The following MGAT2 variants were observed in gnomAD, a reference collection of about 807,000 sequenced individuals.
MGAT2 encodes alpha-1,6-mannosyl-glycoprotein 2-beta-N-acetylglucosaminyltransferase, also known as Beta-1,2-N-acetylglucosaminyltransferase II.
In MGAT2, 17 loss-of-function variants were observed where a neutral mutation model predicts 33.8. The ratio of observed to expected loss-of-function variants is 0.50; its 90% CI spans 0.34 to 0.76. The LOEUF is 0.76. Among genes scored for constraint, MGAT2 ranks in the 30% least tolerant of loss-of-function variants. MGAT2 has a pLI of 0.01. For missense variants in MGAT2, 529 were observed against 553.9 expected (o/e 0.96, Z 0.45); for synonymous variants, 248 against 226.7 (o/e 1.09, Z -0.84).
Position 49,621,322 on chromosome 14 carries a change from C to G in MGAT2, c.54C>G (p.Ala18=), listed in dbSNP as rs755067869. 1.2e-6 allele frequency: 2 copies of G among 1,612,546 alleles called. No homozygotes were observed. Among genetic ancestry groups the G allele is most frequent in the Non-Finnish European group, 1.7e-6 (2 of 1,179,784 alleles). ...RKVLILTLVV[A]ACGFVLWSSN... ...TGCTAATCCTGACGCTCGTGGTGGC[C>G]GCCTGCGGCTTCGTCCTCTGGAGCA... The change falls in exon 1 of 1, where the codon GCC becomes GCG. Residue 18 remains alanine, a synonymous_variant. Coordinates refer to ENST00000305386, the MANE Select transcript of MGAT2 (RefSeq NM_002408.4). This position sits in a 1 kb window ranked among gnomAD's most constrained non-coding sequence, Gnocchi z 4.6.
chr14:49,621,533 C>G lies in MGAT2; in HGVS notation c.265C>G (p.Leu89Val). ...CCAGCCCGAGGCGGACAACCTGACG[C>G]TGCGGTACCGGTCCCTGGTGTACCA... ...VPQPEADNLT[L>V]RYRSLVYQLN... Residue 89 changes from leucine (L) to valine (V), a missense_variant, in exon 1 of 1, where the codon CTG becomes GTG. Coordinates refer to ENST00000305386, the MANE Select transcript of MGAT2 (RefSeq NM_002408.4). The surrounding 1 kb of genome is among the most constrained non-coding windows in gnomAD (Gnocchi z 4.6). 1 of 1,613,352 alleles carries G rather than the reference C, an allele frequency of 6.2e-7. No individual in the cohort carries two copies. Among genetic ancestry groups the G allele is most frequent in the African/African-American group, 1.3e-5 (1 of 75,052 alleles).
In MGAT2 at chr14:49,621,613, C is replaced by G; in HGVS notation, c.345C>G (p.Pro115=). ...RNVDKAGTWA[P]RELVLVVQVH... Reference sequence around the variant, plus strand: ...TAGATAAGGCTGGCACCTGGGCCCCCCGGGAGCTGGTGCTGGTGGTCCAGG... The same window carrying G: ...TAGATAAGGCTGGCACCTGGGCCCCGCGGGAGCTGGTGCTGGTGGTCCAGG... Residue 115 remains proline, a synonymous_variant, in exon 1 of 1, where the codon CCC becomes CCG. Coordinates refer to ENST00000305386, the MANE Select transcript of MGAT2 (RefSeq NM_002408.4). This position sits in a 1 kb window ranked among gnomAD's most constrained non-coding sequence, Gnocchi z 4.6. 1.2e-6 allele frequency: 2 copies of G among 1,614,112 alleles called. No individual in the cohort carries two copies. The highest frequency in any genetic ancestry group is 1.7e-6 in the Non-Finnish European group (2 of 1,180,016).
In MGAT2 at chr14:49,621,222, C is replaced by T. The variant is rs1374033060; in HGVS notation, c.-47C>T. ...GCCCGCCCCTTCCGTGCAGAAGCAG[C>T]TGCTCCTTTCCGCGCCCGCCCGCCT... On this transcript the variant is annotated 5_prime_UTR_variant, in exon 1 of 1. Coordinates refer to ENST00000305386, the MANE Select transcript of MGAT2 (RefSeq NM_002408.4). The surrounding 1 kb of genome is among the most constrained non-coding windows in gnomAD (Gnocchi z 4.6). 14 of 1,609,546 alleles carry T rather than the reference C, an allele frequency of 8.7e-6. No homozygotes were observed. Among genetic ancestry groups the T allele is most frequent in the Non-Finnish European group, 1.2e-5 (14 of 1,179,212 alleles).
In MGAT2 at chr14:49,621,127, G is replaced by A; in HGVS notation, c.-142G>A. On this transcript the variant is annotated 5_prime_UTR_variant, in exon 1 of 1. Transcript: ENST00000305386. This position sits in a 1 kb window ranked among gnomAD's most constrained non-coding sequence, Gnocchi z 4.6. ...CGGGCCCCAGGACCCCCGGGGCCCG[G>A]GATGAGTTAGCGAGGGCAGCCGCGG... 1 of 1,285,142 alleles carries A rather than the reference G, an allele frequency of 7.8e-7. No homozygotes were observed. The highest frequency in any genetic ancestry group is 1.1e-6 in the Non-Finnish European group (1 of 922,916). 79.6% of individuals were successfully genotyped at this position (1,285,142 alleles called of 1,614,324 possible).
chr14:49,622,289 TATG>T lies in MGAT2; in HGVS notation c.1027_1029del (p.Asp343del). The T allele has an allele frequency of 1.9e-6, 3 of 1,614,100 alleles. No individual in the cohort carries two copies. The highest frequency in any genetic ancestry group is 8.5e-7 in the Non-Finnish European group (1 of 1,180,006). On this transcript the variant is annotated inframe_deletion, in exon 1 of 1. Coordinates refer to ENST00000305386, the MANE Select transcript of MGAT2 (RefSeq NM_002408.4). ...CGAGTGCACAGACACTTTCTGTACT[TATG>T]ATGATTATAACTGGGACTGGACTCT...
At position 49,621,781 on chromosome 14, in the gene MGAT2, G is replaced by C; in HGVS notation, c.513G>C (p.Pro171=). The C allele has an allele frequency of 6.2e-7, 1 of 1,614,094 alleles. No homozygotes were observed. Among genetic ancestry groups the C allele is most frequent in the African/African-American group, 1.3e-5 (1 of 74,998 alleles). ...TGATCGCCGGGGTGAATTTCTGTCC[G>C]GTTCTGCAGGTGTTCTTTCCTTTCA... ...NQLIAGVNFC[P]VLQVFFPFSI... is the part of the protein sequence containing the mutation. Residue 171 remains proline (P), a synonymous_variant, in exon 1 of 1, where the codon CCG becomes CCC. Coordinates refer to ENST00000305386, the MANE Select transcript of MGAT2 (RefSeq NM_002408.4). This position sits in a 1 kb window ranked among gnomAD's most constrained non-coding sequence, Gnocchi z 4.6.
chr14:49,621,234 G>GCGCC lies in MGAT2; in HGVS notation c.-26_-23dup, dbSNP rs2139565485. ...CGTGCAGAAGCAGCTGCTCCTTTCC[G>GCGCC]CGCCCGCCCGCCTGCGCTCCCGGCC... On this transcript the variant is annotated 5_prime_UTR_variant, in exon 1 of 1. Coordinates refer to ENST00000305386, the MANE Select transcript of MGAT2 (RefSeq NM_002408.4). The surrounding 1 kb of genome is among the most constrained non-coding windows in gnomAD (Gnocchi z 4.6). 3.7e-6 allele frequency: 6 copies of GCGCC among 1,610,626 alleles called. No homozygotes were observed. The East Asian group carries it at 1.3e-4, about 36-fold the overall frequency.
In MGAT2 at chr14:49,622,653, T is replaced by G; in HGVS notation, c.*41T>G. 1 of 1,579,066 alleles carries G rather than the reference T, an allele frequency of 6.3e-7. No homozygotes were observed. Among genetic ancestry groups the G allele is most frequent in the Non-Finnish European group, 8.6e-7 (1 of 1,168,262 alleles). On this transcript the variant is annotated 3_prime_UTR_variant, in exon 1 of 1. Coordinates refer to ENST00000305386, the MANE Select transcript of MGAT2 (RefSeq NM_002408.4). ...AAGCGACAGTCTTCTATTTTTGATA[T>G]TTGTCCAAACAGGACATACAATTGA...
At position 49,621,261 on chromosome 14, in the gene MGAT2, T is replaced by C. The variant is rs761542629; in HGVS notation, c.-8T>C. On this transcript the variant is annotated 5_prime_UTR_variant, in exon 1 of 1. Transcript: ENST00000305386. This position sits in a 1 kb window ranked among gnomAD's most constrained non-coding sequence, Gnocchi z 4.6. ...GCCCGCCCGCCTGCGCTCCCGGCCCTGGAGACCATGAGGTTCCGCATCTAC... is the reference window on the plus strand; with the variant it reads ...GCCCGCCCGCCTGCGCTCCCGGCCCCGGAGACCATGAGGTTCCGCATCTAC... The C allele has an allele frequency of 6.2e-7, 1 of 1,612,002 alleles. No individual in the cohort carries two copies. Among genetic ancestry groups the C allele is most frequent in the African/African-American group, 1.3e-5 (1 of 74,902 alleles).
In MGAT2 at chr14:49,621,412, G is replaced by A. The variant is rs758713581; in HGVS notation, c.144G>A (p.Arg48=). The change falls in exon 1 of 1, where the codon CGG becomes CGA. Residue 48 remains arginine, a synonymous_variant. Transcript: ENST00000305386. The surrounding 1 kb of genome is among the most constrained non-coding windows in gnomAD (Gnocchi z 4.6). The part of the protein sequence containing the change: ...APPLLDAEPA[R]GAGGRGGDHP... ...CGTTGCTGGACGCCGAACCCGCGCG[G>A]GGTGCCGGCGGCCGCGGTGGGGACC... The A allele has an allele frequency of 6.2e-7, 1 of 1,608,078 alleles. No homozygotes were observed.
Position 49,621,693 on chromosome 14 carries a change from A to C in MGAT2, c.425A>C (p.Gln142Pro). ...CTGCTGGACTCACTTCGAAAAGCCC[A>C]GGGAATTGACAACGTCCTCGTCATC... ...RLLLDSLRKA[Q>P]GIDNVLVIFS... is the part of the protein sequence containing the mutation. The change falls in exon 1 of 1, where the codon CAG becomes CCG. Residue 142 changes from glutamine (Q) to proline (P), a missense_variant. Around this residue, in one of 2 missense-constraint regions of MGAT2, gnomAD observed 501 missense variants for 501.1 expected, o/e 1.00. Transcript: ENST00000305386. This position sits in a 1 kb window ranked among gnomAD's most constrained non-coding sequence, Gnocchi z 4.6. 6.2e-7 allele frequency: 1 copy of C among 1,614,168 alleles called. No homozygotes were observed. The highest frequency in any genetic ancestry group is 8.5e-7 in the Non-Finnish European group (1 of 1,180,008).
chr14:49,621,438 AC>A lies in MGAT2; in HGVS notation c.174del (p.Ser59LeufsTer29). 6.2e-7 allele frequency: 1 copy of A among 1,607,214 alleles called. No individual in the cohort carries two copies. The highest frequency in any genetic ancestry group is 8.5e-7 in the Non-Finnish European group (1 of 1,176,108). On this transcript the variant is annotated frameshift_variant, in exon 1 of 1. Transcript: ENST00000305386. LOFTEE classifies it high-confidence loss of function. The surrounding 1 kb of genome is among the most constrained non-coding windows in gnomAD (Gnocchi z 4.6). ...ARGAGGRGGDHPSVAVGIRRV... is the reference protein window; with the variant it reads ...ARGAGGRGGDXPSVAVGIRRV... Reference sequence around the variant, plus strand: ...GGTGCCGGCGGCCGCGGTGGGGACCACCCCTCTGTGGCTGTGGGCATCCGCA... The same window carrying A: ...GGTGCCGGCGGCCGCGGTGGGGACCACCCTCTGTGGCTGTGGGCATCCGCA...
In MGAT2 at chr14:49,622,277, A is replaced by G. The variant is rs1219252013; in HGVS notation, c.1009A>G (p.Thr337Ala). ...TCAGAAGCTGATCGAGTGCACAGAC[A>G]CTTTCTGTACTTATGATGATTATAA... Reference protein sequence around the residue: ...AYQKLIECTDTFCTYDDYNWD... With the variant: ...AYQKLIECTDAFCTYDDYNWD... Residue 337 changes from threonine to alanine, a missense_variant, in exon 1 of 1, where the codon ACT becomes GCT. Physicochemically the swap from Thr to Ala is moderately conservative, Grantham distance 58. Coordinates refer to ENST00000305386, the MANE Select transcript of MGAT2 (RefSeq NM_002408.4). 6.2e-7 allele frequency: 1 copy of G among 1,614,102 alleles called. No homozygotes were observed.
rs993240408 is a variant in MGAT2 at position 49,621,116 on chromosome 14, C to T, written c.-153C>T. On this transcript the variant is annotated 5_prime_UTR_variant, in exon 1 of 1. Transcript: ENST00000305386. The surrounding 1 kb of genome is among the most constrained non-coding windows in gnomAD (Gnocchi z 4.6). ...ATGAGAGGTCTCGGGCCCCAGGACC[C>T]CCGGGGCCCGGGATGAGTTAGCGAG... 15 of 1,169,992 alleles carry T rather than the reference C, an allele frequency of 1.3e-5. No homozygotes were observed. Among genetic ancestry groups the T allele is most frequent in the Non-Finnish European group, 1.6e-5 (13 of 819,376 alleles). The allele number at this position is 1,169,992 out of a possible 1,614,324, so 72.5% of individuals were successfully genotyped here. A position where few individuals can be genotyped will look rare whatever the true frequency, so the allele number is the denominator to read the frequency against.
At position 49,622,012 on chromosome 14, in the gene MGAT2, T is replaced by C. The variant is rs1485805274; in HGVS notation, c.744T>C (p.Leu248=). The C allele has an allele frequency of 6.2e-7, 1 of 1,613,894 alleles. No individual in the cohort carries two copies. Among genetic ancestry groups the C allele is most frequent in the South Asian group, 1.1e-5 (1 of 91,052 alleles). Residue 248 remains leucine (L), a synonymous_variant, in exon 1 of 1, where the codon CTT becomes CTC. Coordinates refer to ENST00000305386, the MANE Select transcript of MGAT2 (RefSeq NM_002408.4). ...TTGTGTGGGAAAGAGTGAAAATTCTTCGAGATTATGCTGGCCTTATACTTT... is the reference window on the plus strand; with the variant it reads ...TTGTGTGGGAAAGAGTGAAAATTCTCCGAGATTATGCTGGCCTTATACTTT... ...LHFVWERVKI[L]RDYAGLILFL...
chr14:49,622,503 C>G lies in MGAT2; in HGVS notation c.1235C>G (p.Thr412Ser), dbSNP rs146764245. Residue 412 changes from threonine to serine, a missense_variant, in exon 1 of 1, where the codon ACT becomes AGT. By Grantham distance (58) the Thr-to-Ser change is moderately conservative (BLOSUM62 1). Transcript: ENST00000305386. The part of the protein sequence containing the change: ...NKQYMFPETL[T>S]ISEKFTVVAI... ...CAATACATGTTTCCAGAAACTCTAA[C>G]TATCAGTGAAAAGTTTACTGTGGTA... is the stretch of plus-strand genomic sequence containing the variant. The G allele has an allele frequency of 2.5e-6, 4 of 1,603,318 alleles. No individual in the cohort carries two copies. Among genetic ancestry groups the G allele is most frequent in the Non-Finnish European group, 2.6e-6 (3 of 1,175,188 alleles).
In MGAT2 at chr14:49,622,779, G is replaced by T; in HGVS notation, c.*167G>T. ...ATCTTTTCCAGTTATGTCTGATTAA[G>T]ATTTAAAACTGAAGGTTTCATTTTG... is the stretch of plus-strand genomic sequence containing the variant. On this transcript the variant is annotated 3_prime_UTR_variant, in exon 1 of 1. Transcript: ENST00000305386. 1 of 600,296 alleles carries T rather than the reference G, an allele frequency of 1.7e-6. No individual in the cohort carries two copies. Among genetic ancestry groups the T allele is most frequent in the Non-Finnish European group, 2.6e-6 (1 of 377,566 alleles). The allele number at this position is 600,296 out of a possible 1,614,324, so 37.2% of individuals were successfully genotyped here.
chr14:49,621,943 C>A lies in MGAT2; in HGVS notation c.675C>A (p.Ala225=). 1 of 1,614,176 alleles carries A rather than the reference C, an allele frequency of 6.2e-7. No homozygotes were observed. Among genetic ancestry groups the A allele is most frequent in the East Asian group, 2.2e-5 (1 of 44,888 alleles). The change falls in exon 1 of 1, where the codon GCC becomes GCA. Residue 225 remains alanine (A), a synonymous_variant. Transcript: ENST00000305386. The surrounding 1 kb of genome is among the most constrained non-coding windows in gnomAD (Gnocchi z 4.6). ...YPDSFGHYRE[A]KFSQTKHHWW... ...ACTCCTTCGGCCATTATAGAGAGGC[C>A]AAATTCTCCCAGACCAAACATCACT...
rs999372554 is a variant in MGAT2 at position 49,621,710 on chromosome 14, C to G, written c.442C>G (p.Leu148Val). Residue 148 changes from leucine (L) to valine (V), a missense_variant, in exon 1 of 1, where the codon CTC (leucine) becomes GTC (valine). By Grantham distance (32) the Leu-to-Val change is conservative. Coordinates refer to ENST00000305386, the MANE Select transcript of MGAT2 (RefSeq NM_002408.4). The surrounding 1 kb of genome is among the most constrained non-coding windows in gnomAD (Gnocchi z 4.6). Reference protein sequence around the residue: ...LRKAQGIDNVLVIFSHDFWST... With the variant: ...LRKAQGIDNVVVIFSHDFWST... ...AAAAGCCCAGGGAATTGACAACGTC[C>G]TCGTCATCTTTAGCCATGACTTCTG... 1.2e-6 allele frequency: 2 copies of G among 1,614,132 alleles called. No homozygotes were observed. The highest frequency in any genetic ancestry group is 1.7e-5 in the Admixed American group (1 of 60,006).
Sources: gnomAD v4.1 joint callset for allele counts on GRCh38, gnomAD v4.1.1 for gene constraint, gnomAD v4.1.1 regional missense constraint, Gnocchi (gnomAD v3.1) non-coding constraint, MANE v1.5 for transcripts, NCBI Gene and HGNC (gene_info 2026-07-23, HGNC 2026-07-21) for gene names.